Variants in SLC10A7 observed in about 807,000 individuals in gnomAD.
SLC10A7 encodes the protein solute carrier family 10 member 7, also known as sodium/bile acid cotransporter 7.
SLC10A7 carries 29 observed loss-of-function variants against 43.2 expected under a neutral mutation model. That is an observed-to-expected ratio of 0.67 (90% CI 0.50 to 0.92). The LOEUF (loss-of-function observed/expected upper bound fraction) is 0.92. Among genes scored for constraint, SLC10A7 ranks in the 40% least tolerant of loss-of-function variants. The probability of loss-of-function intolerance (pLI) is 0.00; values close to 1 mark genes in which losing one functional copy is unlikely to be tolerated. For missense variants in SLC10A7, 295 were observed against 403.2 expected (o/e 0.73, Z 2.30); for synonymous variants, 152 against 144.8 (o/e 1.05, Z -0.35).
At chr4:146,462,717 T>C (rs956028938) in intron 4 of SLC10A7, among the ~76,000 whole-genome samples, 1 of 152,184 alleles carries the variant, frequency 6.6e-6, no homozygotes, top group Admixed American at 6.5e-5. Flanking sequence ...TAGTGAGCCA[T>C]GCAATAGCTG....
intron 5 of SLC10A7, among the ~76,000 whole-genome samples, chr4:146,392,433 G>A (rs1394650547): frequency 6.6e-6 from 1 of 152,130 alleles, no homozygotes; most frequent in Non-Finnish European, 1.5e-5. Flanking sequence ...AGATATATAT[G>A]TATGTGTATA....
chr4:146,314,752 G>A (rs2149692603), intron 6 of SLC10A7, among the ~76,000 whole-genome samples: 1 of 152,202 alleles, frequency 6.6e-6, no homozygotes, highest in South Asian at 2.1e-4. Context: ...TGACCTTTAT[G>A]GCTGGAGAGA....
chr4:146,427,254 G>C (rs951585334), intron 5 of SLC10A7, among the ~76,000 whole-genome samples: 4 of 152,126 alleles, frequency 2.6e-5, no homozygotes. Context: ...AGGATCACTT[G>C]AGCCAGAGAG....
At chr4:146,441,456 C>T (rs1730595333) in intron 5 of SLC10A7, among the ~76,000 whole-genome samples, 2 of 152,040 alleles carry the variant, frequency 1.3e-5, no homozygotes, top group African/African-American at 4.8e-5. Flanking sequence ...TCTAGACATC[C>T]GAAAGAATAA....
intron 5 of SLC10A7, among the ~76,000 whole-genome samples, chr4:146,377,556 G>A (rs28404149): frequency 0.13 from 20,169 of 152,150 alleles, 1,373 homozygotes; most frequent in Non-Finnish European, 0.14. Context: ...ATAAGGTCAA[G>A]GAAATTCTCC....
At chr4:146,282,561 C>T (rs143026640) in intron 10 of SLC10A7, among the ~76,000 whole-genome samples, 49 of 152,178 alleles carry the variant, frequency 3.2e-4, no homozygotes, top group African/African-American at 1.1e-3. Flanking sequence ...ACATAGATTC[C>T]GGATGTGTAA....
intron 7 of SLC10A7, among the ~76,000 whole-genome samples, chr4:146,296,292 TGTTA>T (rs1253742364): frequency 6.6e-6 from 1 of 151,524 alleles, no homozygotes; most frequent in African/African-American, 2.4e-5. Flanking sequence ...TTTATTGCAT[TGTTA>T]TTTATTTTTT....
At chr4:146,451,510 C>T (rs1046768409) in intron 4 of SLC10A7, among the ~76,000 whole-genome samples, 5 of 152,038 alleles carry the variant, frequency 3.3e-5, no homozygotes, top group Non-Finnish European at 4.4e-5. Flanking sequence ...TCCAACAGCA[C>T]ATCAAAACAA....
intron 5 of SLC10A7, among the ~76,000 whole-genome samples, chr4:146,402,895 G>A (rs1739320522): frequency 6.6e-6 from 1 of 152,156 alleles, no homozygotes; most frequent in Non-Finnish European, 1.5e-5. Flanking sequence ...TAGTGGTTAA[G>A]AGCACAGCTT....
chr4:146,280,541 A>G (rs1729484433), intron 10 of SLC10A7, among the ~76,000 whole-genome samples: 1 of 152,210 alleles, frequency 6.6e-6, no homozygotes, highest in Non-Finnish European at 1.5e-5. Context: ...AATAAAAACA[A>G]ACAAAAAAGA....
At chr4:146,287,603 G>T (rs1578792890) in intron 9 of SLC10A7, among the ~76,000 whole-genome samples, 3 of 152,166 alleles carry the variant, frequency 2.0e-5, no homozygotes, top group Admixed American at 6.5e-5. Context: ...TGGCAGATTG[G>T]AGAATATGAA....
chr4:146,457,414 A>G (rs1002216401), intron 4 of SLC10A7, among the ~76,000 whole-genome samples: 1 of 151,932 alleles, frequency 6.6e-6, no homozygotes, highest in African/African-American at 2.4e-5. Flanking sequence ...TTATTTTTAA[A>G]TGTACAATTA....
At chr4:146,430,706 T>C (rs555931058) in intron 5 of SLC10A7, among the ~76,000 whole-genome samples, 14 of 152,092 alleles carry the variant, frequency 9.2e-5, no homozygotes, top group Admixed American at 2.0e-4. Context: ...AAGAAAGCTA[T>C]AAGCTCAGAG....
At chr4:146,335,196 T>C (rs185479741) in intron 5 of SLC10A7, among the ~76,000 whole-genome samples, 19 of 143,520 alleles carry the variant, frequency 1.3e-4, no homozygotes, top group African/African-American at 4.4e-4. Flanking sequence ...AGCATTGTAA[T>C]AGAATGTTAT....
At chr4:146,454,482 C>T (rs1313070152) in intron 4 of SLC10A7, among the ~76,000 whole-genome samples, 4 of 151,878 alleles carry the variant, frequency 2.6e-5, no homozygotes, top group Non-Finnish European at 5.9e-5. Flanking sequence ...CTCTTGCACC[C>T]TCTCTATTAC....
At chr4:146,318,208 T>A (rs927795925) in intron 6 of SLC10A7, among the ~76,000 whole-genome samples, 2 of 152,044 alleles carry the variant, frequency 1.3e-5, no homozygotes, top group Non-Finnish European at 2.9e-5. Flanking sequence ...ACAGAAACAT[T>A]TCCCTAAGAG....
chr4:146,316,753 G>A (rs1214988035), intron 6 of SLC10A7, among the ~76,000 whole-genome samples: 1 of 151,976 alleles, frequency 6.6e-6, no homozygotes, highest in Non-Finnish European at 1.5e-5. Flanking sequence ...ATTATGTATG[G>A]TTATAGAATC....
At chr4:146,509,888 C>G in intron 3 of SLC10A7, 25 bp downstream of exon 3, 1 of 1,596,464 alleles carries the variant, frequency 6.3e-7, no homozygotes, top group Non-Finnish European at 8.5e-7. Flanking sequence ...TAAAAGTGGA[C>G]CCACTTTTAA....
intron 7 of SLC10A7, among the ~76,000 whole-genome samples, chr4:146,296,694 C>T (rs1225846002): frequency 6.6e-6 from 1 of 152,180 alleles, no homozygotes; most frequent in Non-Finnish European, 1.5e-5. Flanking sequence ...CCTTTTATAT[C>T]TTGCCAGGTT....
Sources: allele counts gnomAD v4.1 joint callset (sites outside exome capture counted in the v4.1 genomes callset), GRCh38; gene constraint gnomAD v4.1.1; transcripts MANE v1.5; gene names NCBI Gene and HGNC (gene_info 2026-07-23, HGNC 2026-07-21).